Variants in MYO1B observed in about 807,000 individuals in gnomAD.
The protein encoded by MYO1B is unconventional myosin-Ib.
A neutral mutation model predicts 159.7 loss-of-function variants in MYO1B; 72 were observed. The ratio of observed to expected loss-of-function variants is 0.45; its 90% CI spans 0.37 to 0.55. The LOEUF (loss-of-function observed/expected upper bound fraction) is 0.55, where lower values mean the gene tolerates loss of function less well. Ranked by LOEUF, MYO1B falls within the 20% of genes least tolerant of loss-of-function variation. MYO1B has a pLI of 0.00. For missense variants in MYO1B, 1,062 were observed against 1,364.8 expected (o/e 0.78, Z 3.50); for synonymous variants, 468 against 473.8 (o/e 0.99, Z 0.16).
intron 1 of MYO1B, among the ~76,000 whole-genome samples, chr2:191,251,899 A>G (rs1209856154): frequency 1.3e-5 from 2 of 152,148 alleles, no homozygotes; most frequent in African/African-American, 4.8e-5. Context: ...GGTCCCACTT[A>G]ACATTTTCCA....
At chr2:191,361,652 T>C (rs1693681485) in intron 8 of MYO1B, among the ~76,000 whole-genome samples, 3 of 151,560 alleles carry the variant, frequency 2.0e-5, no homozygotes, top group Admixed American at 2.0e-4. Context: ...TCTACATATA[T>C]TAGCAAAAGT....
At chr2:191,352,452 TTTA>T (rs1353802056) in intron 7 of MYO1B, among the ~76,000 whole-genome samples, 1 of 152,194 alleles carries the variant, frequency 6.6e-6, no homozygotes, top group Non-Finnish European at 1.5e-5. Flanking sequence ...TCAGGATGAT[TTTA>T]TTATTATAAG....
intron 13 of MYO1B, among the ~76,000 whole-genome samples, chr2:191,375,913 T>TA (rs1443876485): frequency 6.6e-6 from 1 of 150,774 alleles, no homozygotes; most frequent in East Asian, 1.9e-4. Context: ...GAGCCGAGAT[T>TA]ACACCACTGC....
chr2:191,273,135 T>C (rs963930950), intron 1 of MYO1B, among the ~76,000 whole-genome samples: 2 of 152,198 alleles, frequency 1.3e-5, no homozygotes, highest in African/African-American at 4.8e-5. Context: ...TTTTTTTCTT[T>C]TGAGACAGGG....
At chr2:191,276,019 C>T (rs535881209) in intron 1 of MYO1B, among the ~76,000 whole-genome samples, 20 of 152,272 alleles carry the variant, frequency 1.3e-4, no homozygotes, top group Admixed American at 4.6e-4. Context: ...TGTAGCGTGC[C>T]TCTGTTTCCA....
intron 1 of MYO1B, among the ~76,000 whole-genome samples, chr2:191,248,568 G>A (rs1404370769): frequency 6.6e-6 from 1 of 152,224 alleles, no homozygotes; most frequent in Non-Finnish European, 1.5e-5. Context: ...CCAGCATTGT[G>A]ATGGGGTATC....
At chr2:191,384,655 G>A (rs1056121681) in intron 15 of MYO1B, among the ~76,000 whole-genome samples, 1 of 152,136 alleles carries the variant, frequency 6.6e-6, no homozygotes, top group African/African-American at 2.4e-5. Context: ...TTGTGAAGGA[G>A]GTAATTTGCT....
At chr2:191,299,223 C>A (rs1574370827) in intron 3 of MYO1B, among the ~76,000 whole-genome samples, 1 of 152,170 alleles carries the variant, frequency 6.6e-6, no homozygotes, top group East Asian at 1.9e-4. Flanking sequence ...TAGTTCACAC[C>A]CCTCACCCCC....
At chr2:191,345,136 T>C (rs1284314654) in intron 5 of MYO1B, among the ~76,000 whole-genome samples, 1 of 152,204 alleles carries the variant, frequency 6.6e-6, no homozygotes, top group Admixed American at 6.5e-5. Context: ...TTATTCATTC[T>C]AGCTGCCGTG....
At chr2:191,333,681 G>A (rs564457349) in intron 4 of MYO1B, among the ~76,000 whole-genome samples, 77 of 152,082 alleles carry the variant, frequency 5.1e-4, no homozygotes, top group African/African-American at 1.7e-3. Context: ...GTCTTTGCTT[G>A]TTCAAATCTC....
chr2:191,366,574 T>G (rs1444152099), intron 11 of MYO1B, among the ~76,000 whole-genome samples: 1 of 152,114 alleles, frequency 6.6e-6, no homozygotes, highest in Admixed American at 6.6e-5. Context: ...TTTCTCTAGA[T>G]AGGAGGACTA....
chr2:191,316,187 A>G (rs1690337078), intron 3 of MYO1B, among the ~76,000 whole-genome samples: 2 of 152,228 alleles, frequency 1.3e-5, no homozygotes, highest in Admixed American at 6.5e-5. Context: ...GTAAGGGCTT[A>G]GAGTACACAA....
intron 24 of MYO1B, among the ~76,000 whole-genome samples, chr2:191,405,430 C>G (rs1318235377): frequency 6.6e-6 from 1 of 152,200 alleles, no homozygotes. Flanking sequence ...CTGGAATATT[C>G]TTAATGGCAT....
rs1271279119 is a variant in MYO1B at position 191,387,564 on chromosome 2, C to T, written c.1781+114C>T. Reference sequence around the variant, plus strand: ...GCCCAAGCAGAGGGTAACTAAAATACTTACAGATTAAATAATACCTTATCT... The same window carrying T: ...GCCCAAGCAGAGGGTAACTAAAATATTTACAGATTAAATAATACCTTATCT... On this transcript the variant is annotated intron_variant, in intron 17 of 30. Coordinates refer to ENST00000392318, the MANE Select transcript of MYO1B (RefSeq NM_001130158.3). 8 of 894,722 alleles carry T rather than the reference C, an allele frequency of 8.9e-6. No individual in the cohort carries two copies. The Admixed American group carries it at 1.2e-4, about 13-fold the overall frequency. 55.4% of individuals were successfully genotyped at this position (894,722 alleles called of 1,614,324 possible).
rs1697419356 is a variant in MYO1B, at chr2:191,414,187, A to G, written c.3006+7A>G. ...TAACCGTGCTAATGGGAAGGTAAAA[A>G]TGCTAACCTTGAAGACTGATAAGAA... On this transcript the variant is annotated splice_region_variant and intron_variant, in intron 28 of 30. Transcript: ENST00000392318. 4.3e-6 allele frequency: 7 copies of G among 1,609,734 alleles called. No individual in the cohort carries two copies. Among genetic ancestry groups the G allele is most frequent in the Non-Finnish European group, 5.9e-6 (7 of 1,178,610 alleles).
Position 191,385,887 on chromosome 2 carries a change from A to G in MYO1B, c.1357A>G (p.Thr453Ala), listed in dbSNP as rs755778819. ...AIICDLIENN[T>A]NGILAMLDEE... ...TTTTTTATTTCCGTTTTCCCAGAAC[A>G]CAAATGGAATCCTGGCCATGCTGGA... is the stretch of plus-strand genomic sequence containing the variant. The change falls in exon 16 of 31, where the codon ACA (threonine) becomes GCA (alanine). Residue 453 changes from threonine to alanine, a missense_variant. Physicochemically the swap from Thr to Ala is moderately conservative, Grantham distance 58. Coordinates refer to ENST00000392318, the MANE Select transcript of MYO1B (RefSeq NM_001130158.3). 1.9e-6 allele frequency: 3 copies of G among 1,613,776 alleles called. No homozygotes were observed. The highest frequency in any genetic ancestry group is 2.5e-6 in the Non-Finnish European group (3 of 1,179,874).
intron 2 of MYO1B, among the ~76,000 whole-genome samples, chr2:191,280,688 A>T (rs1365918716): frequency 6.6e-6 from 1 of 152,142 alleles, no homozygotes; most frequent in Non-Finnish European, 1.5e-5. Context: ...GATTTTTCCA[A>T]AGTAGATAGG....
chr2:191,252,671 CAG>C (rs760788816), intron 1 of MYO1B, among the ~76,000 whole-genome samples: 43 of 152,300 alleles, frequency 2.8e-4, no homozygotes, highest in Non-Finnish European at 5.7e-4. Context: ...CTAAATTTAA[CAG>C]GGGACGGATC....
chr2:191,397,579 C>T (rs1350829063), intron 21 of MYO1B, among the ~76,000 whole-genome samples: 2 of 150,916 alleles, frequency 1.3e-5, no homozygotes, highest in African/African-American at 2.4e-5. Flanking sequence ...TGAAAAGTCT[C>T]CCATGTCTAC....
Sources: gnomAD v4.1 joint callset for allele counts (sites outside exome capture counted in the v4.1 genomes callset) on GRCh38, gnomAD v4.1.1 for gene constraint, MANE v1.5 for transcripts, NCBI Gene and HGNC (gene_info 2026-07-23, HGNC 2026-07-21) for gene names.